The following BTBD9 variants were observed in gnomAD, a reference collection of about 807,000 sequenced individuals.
The protein encoded by BTBD9 is BTB/POZ domain-containing protein 9.
A neutral mutation model predicts 64.3 loss-of-function variants in BTBD9; 49 were observed. That is an observed-to-expected ratio of 0.76 (90% CI 0.61 to 0.97). BTBD9 has a LOEUF of 0.97. BTBD9 is among the 50% of genes least tolerant of loss of function. The pLI, the probability that BTBD9 is intolerant of heterozygous loss-of-function variation, is 0.00. For missense variants in BTBD9, 598 were observed against 762.1 expected (o/e 0.78, Z 2.53); for synonymous variants, 260 against 274.7 (o/e 0.95, Z 0.53).
At position 38,314,863 on chromosome 6, in the gene BTBD9, T is replaced by A. The variant is rs189377061; in HGVS notation, c.1265-26402A>T. 5.7e-3 allele frequency among the ~76,000 whole-genome samples: 873 copies of A among 152,314 alleles called. 6 individuals are homozygous for A. Among genetic ancestry groups the A allele is most frequent in the Non-Finnish European group, 9.9e-3 (673 of 68,038 alleles). ...CATCTCTGATTAATTAATTTATTTA[T>A]TTTTGAGACAAAGTCTTGCTCTGTC... On this transcript the variant is annotated intron_variant, in intron 7 of 10. Coordinates refer to ENST00000481247, the MANE Select transcript of BTBD9 (RefSeq NM_001099272.2).
At chr6:38,614,056 GC>G (rs1228907382) in intron 1 of BTBD9, among the ~76,000 whole-genome samples, 1 of 152,176 alleles carries the variant, frequency 6.6e-6, no homozygotes, top group Non-Finnish European at 1.5e-5. Context: ...GTTAGTGAGA[GC>G]CAGGGATATG....
chr6:38,596,348 G>T (rs546274581), intron 2 of BTBD9, among the ~76,000 whole-genome samples: 1 of 152,058 alleles, frequency 6.6e-6, no homozygotes, highest in Non-Finnish European at 1.5e-5. Flanking sequence ...CACTCAATAC[G>T]ATCTTCAAAT....
chr6:38,333,820 C>T (rs964635937), intron 7 of BTBD9, among the ~76,000 whole-genome samples: 1 of 152,122 alleles, frequency 6.6e-6, no homozygotes, highest in African/African-American at 2.4e-5. Flanking sequence ...GAAACGTGTA[C>T]CAGAGAAGTG....
At position 38,276,557 on chromosome 6, in the gene BTBD9, T is replaced by C. The variant is rs550848770; in HGVS notation, c.1454+11715A>G. On this transcript the variant is annotated intron_variant, in intron 8 of 10. Coordinates refer to ENST00000481247, the MANE Select transcript of BTBD9 (RefSeq NM_001099272.2). Reference sequence around the variant, plus strand: ...TCAAAGGAAAAGCAGACTGTATTTGTACTTCTTCTCCCAAGATTTAAAATT... The same window carrying C: ...TCAAAGGAAAAGCAGACTGTATTTGCACTTCTTCTCCCAAGATTTAAAATT... Among the ~76,000 whole-genome samples, 4 of 152,288 alleles carry C rather than the reference T, an allele frequency of 2.6e-5. No individual in the cohort carries two copies. In the East Asian group the frequency reaches 7.7e-4, roughly 29 times the overall value.
intron 6 of BTBD9, among the ~76,000 whole-genome samples, chr6:38,460,229 T>C (rs1047040888): frequency 2.6e-5 from 4 of 152,188 alleles, no homozygotes; most frequent in African/African-American, 9.7e-5. Flanking sequence ...ATACATGAGT[T>C]TCTCTGTACT....
At chr6:38,246,190 G>A (rs1764193549) in intron 9 of BTBD9, among the ~76,000 whole-genome samples, 1 of 152,172 alleles carries the variant, frequency 6.6e-6, no homozygotes. Context: ...GCCTCCCAAT[G>A]TTTGGGTAAA....
chr6:38,319,689 T>C (rs1205606691), intron 7 of BTBD9, among the ~76,000 whole-genome samples: 3 of 151,462 alleles, frequency 2.0e-5, no homozygotes, highest in Non-Finnish European at 4.4e-5. Context: ...TCTTTACTCT[T>C]CCCTCTCCTC....
At chr6:38,206,872 G>T (rs1334828309) in intron 9 of BTBD9, among the ~76,000 whole-genome samples, 1 of 152,160 alleles carries the variant, frequency 6.6e-6, no homozygotes, top group Non-Finnish European at 1.5e-5. Flanking sequence ...TAAAAGAGAT[G>T]AATATGTTTG....
At chr6:38,434,116 C>G (rs1489177841) in intron 6 of BTBD9, among the ~76,000 whole-genome samples, 1 of 151,972 alleles carries the variant, frequency 6.6e-6, no homozygotes, top group Non-Finnish European at 1.5e-5. Flanking sequence ...ATATTTTACC[C>G]CAAGTTTCTT....
chr6:38,312,445 G>GTGCT (rs2127571487), intron 7 of BTBD9, among the ~76,000 whole-genome samples: 1 of 152,298 alleles, frequency 6.6e-6, no homozygotes, highest in South Asian at 2.1e-4. Context: ...TTGGTTGCCT[G>GTGCT]TGCTTGTGGG....
At chr6:38,360,947 G>A (rs2127597855) in intron 6 of BTBD9, among the ~76,000 whole-genome samples, 1 of 152,018 alleles carries the variant, frequency 6.6e-6, no homozygotes, top group South Asian at 2.1e-4. Context: ...AGAGATGAAG[G>A]TTGCTGCTTC....
At chr6:38,564,617 G>T (rs747678930) in intron 6 of BTBD9, among the ~76,000 whole-genome samples, 3 of 152,074 alleles carry the variant, frequency 2.0e-5, no homozygotes, top group African/African-American at 7.2e-5. Context: ...GGCCGAGCAC[G>T]GTGACTCACG....
At chr6:38,328,941 C>G (rs188060980) in intron 7 of BTBD9, among the ~76,000 whole-genome samples, 1 of 114,604 alleles carries the variant, frequency 8.7e-6, no homozygotes, top group Non-Finnish European at 1.7e-5. Flanking sequence ...AGCAAGACTT[C>G]GTCTCAAAAA....
intron 6 of BTBD9, among the ~76,000 whole-genome samples, chr6:38,486,278 A>G (rs1309277938): frequency 6.6e-6 from 1 of 152,174 alleles, no homozygotes; most frequent in Admixed American, 6.5e-5. Context: ...TTGCTTTCTT[A>G]TCATTCCTGT....
At chr6:38,614,859 A>G (rs1420622441) in intron 1 of BTBD9, among the ~76,000 whole-genome samples, 2 of 152,226 alleles carry the variant, frequency 1.3e-5, no homozygotes, top group African/African-American at 4.8e-5. Context: ...TCCATGCAGG[A>G]GCCAGAAAGA....
intron 6 of BTBD9, among the ~76,000 whole-genome samples, chr6:38,436,372 A>ATTTTTT (rs10647439): frequency 4.8e-4 from 57 of 118,316 alleles, no homozygotes; most frequent in Non-Finnish European, 6.9e-4. Flanking sequence ...CCCCAATTCT[A>ATTTTTT]TTTTTTTTTT....
intron 6 of BTBD9, chr6:38,481,915 A>G (rs1326244385): frequency 6.6e-6 from 1 of 152,244 alleles, no homozygotes; most frequent in East Asian, 1.9e-4. Flanking sequence ...TGGAGTGCCC[A>G]AGGAACATTA....
chr6:38,625,736 T>C (rs1256006394), intron 1 of BTBD9, among the ~76,000 whole-genome samples: 1 of 152,130 alleles, frequency 6.6e-6, no homozygotes, highest in African/African-American at 2.4e-5. Context: ...TTGTTCAAAG[T>C]CACAACATTC....
chr6:38,414,770 T>TTTA (rs1452726016), intron 6 of BTBD9, among the ~76,000 whole-genome samples: 1 of 152,184 alleles, frequency 6.6e-6, no homozygotes, highest in Non-Finnish European at 1.5e-5. Context: ...ATCCTTCTCC[T>TTTA]TTATGCATGG....
Sources: allele counts gnomAD v4.1 joint callset (sites outside exome capture counted in the v4.1 genomes callset), GRCh38; gene constraint gnomAD v4.1.1; transcripts MANE v1.5; gene names NCBI Gene and HGNC (gene_info 2026-07-23, HGNC 2026-07-21).